The following SPG11 variants were observed in gnomAD, a reference collection of about 807,000 sequenced individuals.
The protein encoded by SPG11 is spatacsin.
SPG11 carries 222 observed loss-of-function variants against 274.0 expected under a neutral mutation model. The ratio of observed to expected loss-of-function variants is 0.81; its 90% CI spans 0.73 to 0.91. SPG11 has a LOEUF of 0.91. SPG11 is among the 40% of genes least tolerant of loss of function. The pLI is 0.00. For synonymous variants in SPG11, 1,144 were observed against 1,039.7 expected, an observed-to-expected ratio of 1.10 and a Z score of -1.93; for missense variants, 3,114 against 2,872.7, an observed-to-expected ratio of 1.08 and a Z score of -1.92.
Position 44,663,486 on chromosome 15 carries a change from C to A in SPG11, c.162G>T (p.Leu54=). The change falls in exon 1 of 40, where the codon CTG becomes CTT. Residue 54 remains leucine, a synonymous_variant. Coordinates refer to ENST00000261866, the MANE Select transcript of SPG11 (RefSeq NM_025137.4). ...RAQLRTQPEA[L]GSLTAAGSLQ... ...GGCTGCCCGCAGCCGTCAGGCTCCCCAGAGCCTCCGGCTGTGTGCGCAGCT... is the reference window on the plus strand; with the variant it reads ...GGCTGCCCGCAGCCGTCAGGCTCCCAAGAGCCTCCGGCTGTGTGCGCAGCT... 2 of 1,593,150 alleles carry A rather than the reference C, an allele frequency of 1.3e-6. No individual in the cohort carries two copies. The highest frequency in any genetic ancestry group is 2.3e-5 in the East Asian group (1 of 43,716).
rs567544454 is a variant in SPG11 at position 44,614,661 on chromosome 15, C to G, written c.3038+702G>C. Among the ~76,000 whole-genome samples the G allele has an allele frequency of 1.8e-4, 27 of 152,308 alleles. No individual in the cohort carries two copies. The South Asian group carries it at 5.6e-3, about 32-fold the overall frequency. On this transcript the variant is annotated intron_variant, in intron 16 of 39. Transcript: ENST00000261866. ...TTAGCTGTGTGCCTTAAGTAACATACTTAGTCTCTCTCAAAGCCTGTTTCT... is the reference window on the plus strand; with the variant it reads ...TTAGCTGTGTGCCTTAAGTAACATAGTTAGTCTCTCTCAAAGCCTGTTTCT...
rs368708250 is a variant in SPG11 at position 44,652,165 on chromosome 15, T to C, written c.971A>G (p.Asn324Ser). 1.2e-6 allele frequency: 2 copies of C among 1,614,072 alleles called. No individual in the cohort carries two copies. Among genetic ancestry groups the C allele is most frequent in the African/African-American group, 2.7e-5 (2 of 74,942 alleles). Reference protein sequence around the residue: ...DEDDPVNSAYNMKLAKFSFQI... With the variant: ...DEDDPVNSAYSMKLAKFSFQI... ...GAAGGAAAACTTGGCCAGTTTCATG[T>C]TGTAGGCAGAGTTAACAGGATCATC... The change falls in exon 5 of 40, where the codon AAC becomes AGC. Residue 324 changes from asparagine (N) to serine (S), a missense_variant. Asn to Ser is a conservative substitution (Grantham distance 46). Coordinates refer to ENST00000261866, the MANE Select transcript of SPG11 (RefSeq NM_025137.4).
chr15:44,578,464 G>T (rs2140937757), intron 30 of SPG11, among the ~76,000 whole-genome samples: 1 of 152,156 alleles, frequency 6.6e-6, no homozygotes, highest in East Asian at 1.9e-4. Flanking sequence ...GACAGAGTGG[G>T]GGTAACTAAA....
chr15:44,582,929 A>C (rs2082684713), intron 30 of SPG11, among the ~76,000 whole-genome samples: 1 of 152,346 alleles, frequency 6.6e-6, no homozygotes, highest in Admixed American at 6.5e-5. Context: ...AAATGATGAA[A>C]GATCAAATAA....
chr15:44,657,360 G>A (rs970923311), intron 3 of SPG11, 64 bp from the exon 4 acceptor site: 5 of 1,485,112 alleles, frequency 3.4e-6, no homozygotes, highest in South Asian at 2.3e-5. Context: ...TAAAGCACAG[G>A]TTGGGAAAGA....
At chr15:44,640,368 G>T (rs577530470) in intron 7 of SPG11, among the ~76,000 whole-genome samples, 1 of 152,150 alleles carries the variant, frequency 6.6e-6, no homozygotes, top group African/African-American at 2.4e-5. Context: ...ATAAAGACCT[G>T]CCCCGCCCCC....
In SPG11 at chr15:44,578,019, C is replaced by CTTTT. The variant is rs1179057683; in HGVS notation, c.5867-2982_5867-2979dup. On this transcript the variant is annotated intron_variant, in intron 30 of 39. Coordinates refer to ENST00000261866, the MANE Select transcript of SPG11 (RefSeq NM_025137.4). ...CTCTCAGAAAGGGGAGCCTTCTTTC[C>CTTTT]TTTTTTTTTTTTTTTTTTTTTTTGA... Among the ~76,000 whole-genome samples, 65 of 117,566 alleles carry CTTTT rather than the reference C, an allele frequency of 5.5e-4. 5 individuals carry two copies. Among genetic ancestry groups the CTTTT allele is most frequent in the African/African-American group, 1.2e-3 (36 of 30,614 alleles). 77.1% of individuals were successfully genotyped at this position (117,566 alleles called of 152,430 possible).
intron 30 of SPG11, among the ~76,000 whole-genome samples, chr15:44,578,462 G>A (rs990114381): frequency 4.0e-4 from 61 of 152,172 alleles, no homozygotes; most frequent in African/African-American, 1.4e-3. Context: ...AAGACAGAGT[G>A]GGGGTAACTA....
At chr15:44,571,268 G>A (rs1445253304) in intron 33 of SPG11, among the ~76,000 whole-genome samples, 2 of 152,080 alleles carry the variant, frequency 1.3e-5, no homozygotes, top group Admixed American at 6.6e-5. Context: ...AAGCATCCCT[G>A]ACAATGAATC....
intron 7 of SPG11, among the ~76,000 whole-genome samples, chr15:44,639,664 T>C (rs1036473349): frequency 1.3e-5 from 2 of 151,788 alleles, no homozygotes; most frequent in Non-Finnish European, 2.9e-5. Context: ...ACTATGCCAC[T>C]GCACTCCATC....
rs779560783 is a variant in SPG11 at position 44,615,618 on chromosome 15, A to T, written c.2835-52T>A. The T allele has an allele frequency of 1.5e-5, 23 of 1,510,182 alleles. No homozygotes were observed. In the East Asian group the frequency reaches 4.1e-4, roughly 27 times the overall value. 93.5% of individuals were successfully genotyped at this position (1,510,182 alleles called of 1,614,324 possible). A position where few individuals can be genotyped will look rare whatever the true frequency, so the allele number is the denominator to read the frequency against. ...GTTAAAAAGTTGCTATGTTCAGAGTAGACCAAATCATGCCCACAGTTTAGG... is the reference window on the plus strand; with the variant it reads ...GTTAAAAAGTTGCTATGTTCAGAGTTGACCAAATCATGCCCACAGTTTAGG... On this transcript the variant is annotated intron_variant, in intron 15 of 39. Coordinates refer to ENST00000261866, the MANE Select transcript of SPG11 (RefSeq NM_025137.4).
intron 30 of SPG11, among the ~76,000 whole-genome samples, chr15:44,580,560 C>T (rs372010155): frequency 2.0e-5 from 3 of 152,168 alleles, no homozygotes; most frequent in Non-Finnish European, 4.4e-5. Context: ...GGGCAGATCA[C>T]GAGGTCAAGA....
intron 15 of SPG11, among the ~76,000 whole-genome samples, chr15:44,618,801 C>G (rs1336541698): frequency 6.7e-6 from 1 of 149,732 alleles, no homozygotes; most frequent in African/African-American, 2.5e-5. Flanking sequence ...GCCTGGGTGA[C>G]AGCGAGACTC....
At chr15:44,579,702 A>G (rs1424242954) in intron 30 of SPG11, among the ~76,000 whole-genome samples, 2 of 152,230 alleles carry the variant, frequency 1.3e-5, no homozygotes, top group African/African-American at 4.8e-5. Flanking sequence ...TGAGACAAAC[A>G]GAAAAATGGA....
chr15:44,611,388 A>G (rs1443256132), intron 17 of SPG11, among the ~76,000 whole-genome samples: 1 of 152,226 alleles, frequency 6.6e-6, no homozygotes, highest in Non-Finnish European at 1.5e-5. Context: ...TGCCTGACAC[A>G]TAAAACTATA....
intron 20 of SPG11, 49 bp downstream of exon 20, chr15:44,605,976 T>C (rs374215837): frequency 2.8e-6 from 4 of 1,441,380 alleles, no homozygotes; most frequent in African/African-American, 2.8e-5. Flanking sequence ...TTAACTTCTG[T>C]AGTTAACACT....
chr15:44,574,578 T>C (rs2082494399), intron 31 of SPG11, among the ~76,000 whole-genome samples: 1 of 151,998 alleles, frequency 6.6e-6, no homozygotes, highest in South Asian at 2.1e-4. Context: ...CTCCACACAA[T>C]CATAATGCAA....
chr15:44,623,324 C>G (rs764474267), intron 11 of SPG11, among the ~76,000 whole-genome samples: 1 of 152,110 alleles, frequency 6.6e-6, no homozygotes, highest in African/African-American at 2.4e-5. Flanking sequence ...AGGCAGCACA[C>G]AGAACAATTT....
At chr15:44,611,883 G>A (rs1595880247) in intron 17 of SPG11, among the ~76,000 whole-genome samples, 1 of 132,086 alleles carries the variant, frequency 7.6e-6, no homozygotes, top group African/African-American at 2.9e-5. Flanking sequence ...TTGGCTCACT[G>A]CAAGCTCCAC....
Sources: gnomAD v4.1 joint callset for allele counts (sites outside exome capture counted in the v4.1 genomes callset) on GRCh38, gnomAD v4.1.1 for gene constraint, MANE v1.5 for transcripts, NCBI Gene and HGNC (gene_info 2026-07-23, HGNC 2026-07-21) for gene names.